DDC: variants seen among roughly 807,000 people sequenced by gnomAD.
DDC encodes dopa decarboxylase, also known as aromatic-L-amino-acid decarboxylase.
A neutral mutation model predicts 60.0 loss-of-function variants in DDC; 43 were observed. That is an observed-to-expected ratio of 0.72 (90% CI 0.56 to 0.92). The LOEUF (loss-of-function observed/expected upper bound fraction) is 0.92. Among genes scored for constraint, DDC ranks in the 40% least tolerant of loss-of-function variants. The probability of loss-of-function intolerance (pLI) is 0.00; values close to 1 mark genes in which losing one functional copy is unlikely to be tolerated. For synonymous variants in DDC, 232 were observed against 234.6 expected (o/e 0.99, Z 0.10); for missense variants, 573 against 620.2 (o/e 0.92, Z 0.81).
intron 14 of DDC, among the ~76,000 whole-genome samples, chr7:50,459,305 T>C (rs1359566101): frequency 6.6e-6 from 1 of 152,200 alleles, no homozygotes; most frequent in African/African-American, 2.4e-5. Flanking sequence ...CTCGGCTCGC[T>C]ACAACCTCCA....
intron 6 of DDC, among the ~76,000 whole-genome samples, chr7:50,520,750 C>A (rs1432091281): frequency 6.6e-6 from 1 of 152,016 alleles, no homozygotes; most frequent in East Asian, 1.9e-4. Flanking sequence ...CCCATCTCTA[C>A]TAAAAATACA....
intron 1 of DDC, among the ~76,000 whole-genome samples, chr7:50,550,347 A>G (rs529009988): frequency 1.3e-5 from 2 of 152,336 alleles, no homozygotes; most frequent in Admixed American, 6.5e-5. Context: ...GTTATTGCAC[A>G]CTTAATAGAC....
intron 13 of DDC, among the ~76,000 whole-genome samples, chr7:50,466,493 GAAAAAAAAAAAAA>G (rs57396757): frequency 2.3e-4 from 15 of 64,066 alleles, no homozygotes; most frequent in African/African-American, 5.9e-4. Context: ...TCTCCAAAAA[GAAAAAAAAAAAAA>G]AAAAAAAAAA....
chr7:50,472,095 A>G lies in DDC; in HGVS notation c.1042-1924T>C, dbSNP rs1057308094. ...TCTCTCCAGAGACTGAATTCGATGC[A>G]CTGTCCCCTCCCCCAATATGCTCCT... is the stretch of plus-strand genomic sequence containing the variant. On this transcript the variant is annotated intron_variant, in intron 11 of 14. Transcript: ENST00000444124. Among the ~76,000 whole-genome samples the G allele has an allele frequency of 2.0e-5, 3 of 152,266 alleles. No homozygotes were observed. In the East Asian group the frequency reaches 5.8e-4, roughly 29 times the overall value.
chr7:50,544,109 G>A lies in DDC; in HGVS notation c.-24C>T. The A allele has an allele frequency of 1.9e-6, 3 of 1,609,354 alleles. No individual in the cohort carries two copies. Among genetic ancestry groups the A allele is most frequent in the South Asian group, 1.1e-5 (1 of 90,958 alleles). On this transcript the variant is annotated 5_prime_UTR_variant, in exon 2 of 15. Coordinates refer to ENST00000444124, the MANE Select transcript of DDC (RefSeq NM_001082971.2). Reference sequence around the variant, plus strand: ...ATGGTGTCTGGGCTCTGTCAGAGGTGAAAACTGCAGAAAGAAAATGATTCA... The same window carrying A: ...ATGGTGTCTGGGCTCTGTCAGAGGTAAAAACTGCAGAAAGAAAATGATTCA...
intron 9 of DDC, among the ~76,000 whole-genome samples, chr7:50,494,915 G>T (rs1435522033): frequency 6.6e-6 from 1 of 152,044 alleles, no homozygotes; most frequent in Non-Finnish European, 1.5e-5. Flanking sequence ...CACCCGCCTC[G>T]GCCTCCCAAA....
At chr7:50,554,176 C>G (rs116084016) in intron 1 of DDC, among the ~76,000 whole-genome samples, 1 of 152,298 alleles carries the variant, frequency 6.6e-6, no homozygotes, top group African/African-American at 2.4e-5. Flanking sequence ...TCCTTCTCAG[C>G]CTCTGTGAAA....
rs11238133 is a variant in DDC, at chr7:50,475,216, A to T, written c.1041+1408T>A. On this transcript the variant is annotated intron_variant, in intron 11 of 14. Transcript: ENST00000444124. ...GAGGAGACAGAAACACAGGCCACAG[A>T]GGCGCGAGGATGAAAGGTCAGGGTG... Among the ~76,000 whole-genome samples the T allele has an allele frequency of 5.3e-5, 8 of 152,078 alleles. No individual in the cohort carries two copies. The East Asian group carries it at 7.7e-4, about 15-fold the overall frequency.
chr7:50,459,624 TG>T (rs1432755782), intron 14 of DDC: 2 of 164,028 alleles, frequency 1.2e-5, no homozygotes, highest in Non-Finnish European at 2.5e-5. Flanking sequence ...GTCTGGGATG[TG>T]AGGAGCGCCT....
intron 1 of DDC, among the ~76,000 whole-genome samples, chr7:50,555,292 G>A (rs1267036158): frequency 2.0e-5 from 3 of 152,158 alleles, no homozygotes; most frequent in East Asian, 1.9e-4. Flanking sequence ...GTCAGTGGGG[G>A]AGACAAGAGA....
Position 50,473,243 on chromosome 7 carries a change from G to A in DDC, c.1042-3072C>T, listed in dbSNP as rs573796373. ...TGCCTGCACCCAAGGGATAGAAAGAGCAAAGCTGGGCTGAGAGGTGCCCTG... is the reference window on the plus strand; with the variant it reads ...TGCCTGCACCCAAGGGATAGAAAGAACAAAGCTGGGCTGAGAGGTGCCCTG... On this transcript the variant is annotated intron_variant, in intron 11 of 14. Transcript: ENST00000444124. Among the ~76,000 whole-genome samples, 5 of 152,314 alleles carry A rather than the reference G, an allele frequency of 3.3e-5. No homozygotes were observed. The South Asian group carries it at 6.2e-4, about 19-fold the overall frequency.
chr7:50,522,833 G>GA (rs2043935081), intron 6 of DDC, among the ~76,000 whole-genome samples: 1 of 152,136 alleles, frequency 6.6e-6, no homozygotes, highest in African/African-American at 2.4e-5. Flanking sequence ...AGCATGGCTG[G>GA]GGGGGCCTCC....
intron 9 of DDC, among the ~76,000 whole-genome samples, chr7:50,494,891 G>T (rs1475204967): frequency 2.0e-5 from 3 of 152,058 alleles, no homozygotes; most frequent in Non-Finnish European, 4.4e-5. Context: ...TTGAACTCCG[G>T]ACCTCAGGTG....
At chr7:50,477,115 A>G (rs2042663721) in intron 10 of DDC, among the ~76,000 whole-genome samples, 3 of 152,232 alleles carry the variant, frequency 2.0e-5, no homozygotes, top group Admixed American at 6.5e-5. Context: ...TTAGTTCAGT[A>G]TCTGGGACAG....
intron 11 of DDC, among the ~76,000 whole-genome samples, chr7:50,474,981 C>A (rs1387655550): frequency 6.6e-6 from 1 of 152,232 alleles, no homozygotes; most frequent in Non-Finnish European, 1.5e-5. Context: ...AAGCAAGGGA[C>A]TTTCCCAGGG....
chr7:50,549,825 A>G (rs1201743211), intron 1 of DDC, among the ~76,000 whole-genome samples: 1 of 152,222 alleles, frequency 6.6e-6, no homozygotes, highest in Non-Finnish European at 1.5e-5. Flanking sequence ...TAGAATTTTA[A>G]ATGGAGCCTG....
chr7:50,548,667 A>T (rs916379331), intron 1 of DDC, among the ~76,000 whole-genome samples: 1 of 152,248 alleles, frequency 6.6e-6, no homozygotes, highest in African/African-American at 2.4e-5. Flanking sequence ...CATTACATAG[A>T]AGTGCAAGGT....
chr7:50,483,543 T>G (rs564284647), intron 9 of DDC, among the ~76,000 whole-genome samples: 1 of 152,286 alleles, frequency 6.6e-6, no homozygotes, highest in East Asian at 1.9e-4. Context: ...TGCTGCTCTC[T>G]GTGAATTATA....
At chr7:50,491,806 A>G (rs76469737) in intron 9 of DDC, among the ~76,000 whole-genome samples, 1 of 151,996 alleles carries the variant, frequency 6.6e-6, no homozygotes, top group Admixed American at 6.6e-5. Context: ...TAATGTGACC[A>G]TTCCCTCCCT....
Sources: allele counts gnomAD v4.1 joint callset (sites outside exome capture counted in the v4.1 genomes callset), GRCh38; gene constraint gnomAD v4.1.1; transcripts MANE v1.5; gene names NCBI Gene and HGNC (gene_info 2026-07-23, HGNC 2026-07-21).